The following ZBTB16 variants were observed in gnomAD, a reference collection of about 807,000 sequenced individuals.
ZBTB16 encodes the protein zinc finger and BTB domain-containing protein 16.
Under a neutral mutation model 56.8 loss-of-function variants are expected in ZBTB16, and 8 were observed. The observed-to-expected ratio is 0.14, with a 90% CI of 0.08 to 0.25. ZBTB16 has a LOEUF of 0.25. ZBTB16 is among the 10% of genes least tolerant of loss of function. The probability of loss-of-function intolerance (pLI) is 1.00; values close to 1 mark genes in which losing one functional copy is unlikely to be tolerated. For missense variants in ZBTB16, 625 were observed against 903.0 expected, an observed-to-expected ratio of 0.69 and a Z score of 3.95; for synonymous variants, 363 against 368.5, an observed-to-expected ratio of 0.98 and a Z score of 0.17.
In ZBTB16 at chr11:114,127,075, T is replaced by C. The variant is rs185791131; in HGVS notation, c.1269-29262T>C. 2.0e-3 allele frequency among the ~76,000 whole-genome samples: 310 copies of C among 152,256 alleles called. 1 individual carries two copies. Among genetic ancestry groups the C allele is most frequent in the Non-Finnish European group, 3.0e-3 (204 of 68,002 alleles). On this transcript the variant is annotated intron_variant, in intron 2 of 6. Coordinates refer to ENST00000335953, the MANE Select transcript of ZBTB16 (RefSeq NM_006006.6). ...GACCCCAGGGTTAGCACTCCCTGGC[T>C]CTTGCAGTTCCCCCTTGCCCCCCAA...
At chr11:114,239,272 C>A (rs923860732) in intron 4 of ZBTB16, among the ~76,000 whole-genome samples, 1 of 152,164 alleles carries the variant, frequency 6.6e-6, no homozygotes, top group Non-Finnish European at 1.5e-5. Context: ...TCCTTCCATG[C>A]CGGGGATCTC....
chr11:114,201,867 A>G (rs1943744377), intron 4 of ZBTB16, among the ~76,000 whole-genome samples: 1 of 152,232 alleles, frequency 6.6e-6, no homozygotes, highest in Non-Finnish European at 1.5e-5. Flanking sequence ...AGCACATATC[A>G]CTTACATAAT....
intron 3 of ZBTB16, among the ~76,000 whole-genome samples, chr11:114,168,313 C>T (rs1218411271): frequency 3.3e-5 from 5 of 152,304 alleles, no homozygotes; most frequent in South Asian, 4.1e-4. Flanking sequence ...GGATGGAAGG[C>T]GGGGACCTTG....
intron 2 of ZBTB16, among the ~76,000 whole-genome samples, chr11:114,144,177 GACACACACACAC>G (rs56679355): frequency 9.0e-5 from 13 of 145,062 alleles, no homozygotes; most frequent in African/African-American, 2.5e-4. Context: ...GTGTTTGCCA[GACACACACACAC>G]ACACACACAC....
chr11:114,160,083 G>T (rs551677991), intron 3 of ZBTB16, among the ~76,000 whole-genome samples: 5 of 152,130 alleles, frequency 3.3e-5, no homozygotes, highest in Non-Finnish European at 7.3e-5. Flanking sequence ...CAGCAGAGCC[G>T]AACGGCTCTC....
intron 5 of ZBTB16, among the ~76,000 whole-genome samples, chr11:114,245,189 C>A (rs987935529): frequency 6.6e-6 from 1 of 152,204 alleles, no homozygotes; most frequent in African/African-American, 2.4e-5. Context: ...GGGGGCCAGG[C>A]AGTCCGCATG....
rs181089932 is a variant in ZBTB16 at position 114,146,822 on chromosome 11, C to G, written c.1269-9515C>G. The stretch of plus-strand genomic sequence containing the variant: ...CGAGATCACGCCACTGCACTCCAGC[C>G]TGGGCGATAGAGTGAGATTCTGTCT... On this transcript the variant is annotated intron_variant, in intron 2 of 6. Transcript: ENST00000335953. Among the ~76,000 whole-genome samples, 738 of 146,264 alleles carry G rather than the reference C, an allele frequency of 5.0e-3. 6 individuals are homozygous for G. Among genetic ancestry groups the G allele is most frequent in the African/African-American group, 0.017 (688 of 39,716 alleles).
chr11:114,157,004 G>C (rs1942431762), intron 3 of ZBTB16, among the ~76,000 whole-genome samples: 1 of 152,180 alleles, frequency 6.6e-6, no homozygotes, highest in Non-Finnish European at 1.5e-5. Flanking sequence ...GTGGAGGGAA[G>C]GATCTAGCAG....
chr11:114,145,569 A>G (rs1410033516), intron 2 of ZBTB16, among the ~76,000 whole-genome samples: 1 of 152,232 alleles, frequency 6.6e-6, no homozygotes, highest in Non-Finnish European at 1.5e-5. Flanking sequence ...TACCATTTAT[A>G]TGAAATGTTC....
At chr11:114,201,459 G>C (rs983170849) in intron 4 of ZBTB16, among the ~76,000 whole-genome samples, 1 of 152,176 alleles carries the variant, frequency 6.6e-6, no homozygotes, top group African/African-American at 2.4e-5. Context: ...TTATCAGCAG[G>C]CCCCTGAGAC....
intron 3 of ZBTB16, among the ~76,000 whole-genome samples, chr11:114,174,306 AC>A (rs1773887710): frequency 7.1e-6 from 1 of 140,076 alleles, no homozygotes; most frequent in Admixed American, 7.1e-5. Flanking sequence ...TGCCATTCTG[AC>A]TGAGGTTTTT....
chr11:114,119,223 C>T (rs985204043), intron 2 of ZBTB16, among the ~76,000 whole-genome samples: 3 of 140,898 alleles, frequency 2.1e-5, no homozygotes, highest in Non-Finnish European at 4.5e-5. Flanking sequence ...CGAAACCACA[C>T]CACTCCGCTC....
chr11:114,112,764 T>C (rs956159828), intron 2 of ZBTB16, among the ~76,000 whole-genome samples: 2 of 120,536 alleles, frequency 1.7e-5, no homozygotes, highest in African/African-American at 2.8e-5. Context: ...CATTTTCTTT[T>C]TTTTTTTTTT....
At chr11:114,139,658 T>C (rs2134889430) in intron 2 of ZBTB16, among the ~76,000 whole-genome samples, 1 of 151,742 alleles carries the variant, frequency 6.6e-6, no homozygotes, top group Admixed American at 6.6e-5. Flanking sequence ...TGTGTGTGTG[T>C]GTGTGTAGTA....
intron 3 of ZBTB16, among the ~76,000 whole-genome samples, chr11:114,159,380 T>G (rs1211931215): frequency 1.3e-5 from 2 of 152,188 alleles, no homozygotes; most frequent in Non-Finnish European, 2.9e-5. Context: ...CCAATGCCCT[T>G]GGAAAGGATG....
intron 2 of ZBTB16, among the ~76,000 whole-genome samples, chr11:114,072,406 C>T (rs1034914782): frequency 3.9e-5 from 6 of 152,360 alleles, no homozygotes; most frequent in South Asian, 2.1e-4. Context: ...GGGAGGCTCA[C>T]TGATGCGGTG....
chr11:114,168,438 A>G (rs1221132510), intron 3 of ZBTB16, among the ~76,000 whole-genome samples: 4 of 152,218 alleles, frequency 2.6e-5, no homozygotes, highest in Non-Finnish European at 5.9e-5. Context: ...GAAGGAGAGA[A>G]AGACATTTAT....
At chr11:114,076,389 C>A (rs771101463) in intron 2 of ZBTB16, among the ~76,000 whole-genome samples, 1 of 152,156 alleles carries the variant, frequency 6.6e-6, no homozygotes, top group Non-Finnish European at 1.5e-5. Context: ...CTCACGGAGG[C>A]AAGTTCTCAC....
intron 2 of ZBTB16, among the ~76,000 whole-genome samples, chr11:114,104,257 G>T (rs890079975): frequency 6.6e-6 from 1 of 152,160 alleles, no homozygotes; most frequent in African/African-American, 2.4e-5. Context: ...AGGCAGAAAG[G>T]ATAAAAGTAG....
Sources: allele counts gnomAD v4.1 joint callset (sites outside exome capture counted in the v4.1 genomes callset), GRCh38; gene constraint gnomAD v4.1.1; transcripts MANE v1.5; gene names NCBI Gene and HGNC (gene_info 2026-07-23, HGNC 2026-07-21).